IARS2: variants seen among roughly 807,000 people sequenced by gnomAD.
The protein encoded by IARS2 is isoleucine--tRNA ligase, mitochondrial.
IARS2 carries 56 observed loss-of-function variants against 126.3 expected under a neutral mutation model. That is an observed-to-expected ratio of 0.44 (90% CI 0.36 to 0.55). The LOEUF is 0.55. Ranked by LOEUF, IARS2 falls within the 20% of genes least tolerant of loss-of-function variation. IARS2 has a pLI of 0.00. For synonymous variants in IARS2, 407 were observed against 441.1 expected, an observed-to-expected ratio of 0.92 and a Z score of 0.97; for missense variants, 1,127 against 1,245.9, an observed-to-expected ratio of 0.90 and a Z score of 1.44.
At chr1:220,124,126 A>G (rs1657105648) in intron 12 of IARS2, among the ~76,000 whole-genome samples, 1 of 152,224 alleles carries the variant, frequency 6.6e-6, no homozygotes, top group Non-Finnish European at 1.5e-5. Flanking sequence ...TGGCCATTAT[A>G]TGTACTGTGA....
intron 12 of IARS2, among the ~76,000 whole-genome samples, chr1:220,115,402 A>C (rs1378152931): frequency 6.7e-6 from 1 of 150,294 alleles, no homozygotes; most frequent in Non-Finnish European, 1.5e-5. Flanking sequence ...CTCTACCGAA[A>C]ATACAAAAAT....
In IARS2 at chr1:220,140,239, G is replaced by T. The variant is rs763810896; in HGVS notation, c.2364G>T (p.Thr788=). The change falls in exon 19 of 23, where the codon ACG becomes ACT. Residue 788 remains threonine (T), a synonymous_variant. Transcript: ENST00000366922. ...DFGKVVRLLR[T]FYTRELSNFY... is the part of the protein sequence containing the mutation. ...GAAAAGTTGTTCGGCTGTTACGGAC[G>T]TTTTATACCAGAGAGCTCTCTAACT... The T allele has an allele frequency of 6.2e-7, 1 of 1,612,752 alleles. No homozygotes were observed. The highest frequency in any genetic ancestry group is 8.5e-7 in the Non-Finnish European group (1 of 1,178,846).
chr1:220,137,229 C>T lies in IARS2; in HGVS notation c.2049+318C>T, dbSNP rs59961632. Among the ~76,000 whole-genome samples the T allele has an allele frequency of 1.9e-3, 286 of 152,192 alleles. 7 individuals are homozygous for T. The East Asian group carries it at 0.041, about 22-fold the overall frequency. ...ACTATTGTGTGAGGTGTGCCTCCCTCAAACCTTGTTACAGTGTTGGCACAT... is the reference window on the plus strand; with the variant it reads ...ACTATTGTGTGAGGTGTGCCTCCCTTAAACCTTGTTACAGTGTTGGCACAT... On this transcript the variant is annotated intron_variant, in intron 16 of 22. Transcript: ENST00000366922.
intron 21 of IARS2, chr1:220,143,839 T>G (rs1657534343): frequency 1.7e-6 from 1 of 577,042 alleles, no homozygotes; most frequent in Admixed American, 3.3e-5. Flanking sequence ...CCAGATTGGC[T>G]TATAGCTTAA....
At chr1:220,094,913 G>T (rs1295117810) in intron 1 of IARS2, among the ~76,000 whole-genome samples, 4 of 152,074 alleles carry the variant, frequency 2.6e-5, no homozygotes, top group Non-Finnish European at 4.4e-5. Flanking sequence ...CAAGGCGGGA[G>T]AATCGCTTGA....
At chr1:220,111,350 G>A (rs940589556) in intron 11 of IARS2, among the ~76,000 whole-genome samples, 1 of 151,964 alleles carries the variant, frequency 6.6e-6, no homozygotes, top group Non-Finnish European at 1.5e-5. Flanking sequence ...TACATAATAA[G>A]CAGTCAGTAA....
At chr1:220,133,007 ATTTC>A (rs772921921) in intron 14 of IARS2, among the ~76,000 whole-genome samples, 2 of 148,986 alleles carry the variant, frequency 1.3e-5, no homozygotes, top group Non-Finnish European at 3.0e-5. Context: ...CATCACAGTT[ATTTC>A]TTTTCTTTTT....
intron 11 of IARS2, among the ~76,000 whole-genome samples, chr1:220,113,893 A>G (rs73096595): frequency 0.051 from 7,809 of 152,294 alleles, 246 homozygotes; most frequent in East Asian, 0.11. Context: ...AGTCTACGAT[A>G]GTAATTTATT....
chr1:220,140,828 CA>C (rs1182387796), intron 19 of IARS2, among the ~76,000 whole-genome samples: 3 of 151,764 alleles, frequency 2.0e-5, no homozygotes, highest in Non-Finnish European at 4.4e-5. Context: ...ACTAAAAATA[CA>C]AAAAATTAGC....
At position 220,102,489 on chromosome 1, in the gene IARS2, C is replaced by A; in HGVS notation, c.750-6C>A. Reference sequence around the variant, plus strand: ...AGTATTTATGTTTAATATTTTTAACCCTTAGGACTGCATTGGCTGAAGCAG... The same window carrying A: ...AGTATTTATGTTTAATATTTTTAACACTTAGGACTGCATTGGCTGAAGCAG... On this transcript the variant is annotated splice_polypyrimidine_tract_variant and splice_region_variant and intron_variant, in intron 5 of 22. Transcript: ENST00000366922. The A allele has an allele frequency of 6.2e-7, 1 of 1,612,240 alleles. No homozygotes were observed. Among genetic ancestry groups the A allele is most frequent in the Non-Finnish European group, 8.5e-7 (1 of 1,178,628 alleles).
Position 220,134,462 on chromosome 1 carries a change from A to T in IARS2, c.1898A>T (p.Gln633Leu). 1 of 1,613,630 alleles carries T rather than the reference A, an allele frequency of 6.2e-7. No individual in the cohort carries two copies. ...AAAGACCAGCTCGGGGGTTGGTTTCAGTCATCCTTATTAACAAGTGTGGCA... is the reference window on the plus strand; with the variant it reads ...AAAGACCAGCTCGGGGGTTGGTTTCTGTCATCCTTATTAACAAGTGTGGCA... ...EGKDQLGGWF[Q>L]SSLLTSVAAR... Residue 633 changes from glutamine to leucine, a missense_variant, in exon 15 of 23, where the codon CAG (glutamine) becomes CTG (leucine). Physicochemically the swap from Gln to Leu is moderately radical, Grantham distance 113. Transcript: ENST00000366922.
chr1:220,102,051 A>G, intron 3 of IARS2, 78 bp from the exon 4 acceptor site: 2 of 1,341,752 alleles, frequency 1.5e-6, no homozygotes, highest in African/African-American at 1.5e-5. Flanking sequence ...ATTTGCATTT[A>G]GAGAGATACA....
At chr1:220,100,776 C>A in intron 3 of IARS2, 127 bp downstream of exon 3, 1 of 544,766 alleles carries the variant, frequency 1.8e-6, no homozygotes, top group Non-Finnish European at 3.0e-6. Context: ...CTATTGGAAA[C>A]GCCTTTCTGT....
At chr1:220,112,699 C>T (rs978118258) in intron 11 of IARS2, among the ~76,000 whole-genome samples, 1 of 151,082 alleles carries the variant, frequency 6.6e-6, no homozygotes, top group East Asian at 2.0e-4. Context: ...ACTGGGACTA[C>T]AGGCCTGTGC....
At chr1:220,146,059 A>G (rs1298880378) in intron 22 of IARS2, among the ~76,000 whole-genome samples, 1 of 152,138 alleles carries the variant, frequency 6.6e-6, no homozygotes, top group Non-Finnish European at 1.5e-5. Flanking sequence ...TATACCCCGG[A>G]TTAAAATATT....
At position 220,115,267 on chromosome 1, in the gene IARS2, A is replaced by G. The variant is rs563723043; in HGVS notation, c.1640+793A>G. Reference sequence around the variant, plus strand: ...AGCTTTATTAAAGCATACTTTACATACTATAAAATTCATGGCCAGGTGCGG... The same window carrying G: ...AGCTTTATTAAAGCATACTTTACATGCTATAAAATTCATGGCCAGGTGCGG... On this transcript the variant is annotated intron_variant, in intron 12 of 22. Coordinates refer to ENST00000366922, the MANE Select transcript of IARS2 (RefSeq NM_018060.4). Among the ~76,000 whole-genome samples, 4 of 152,270 alleles carry G rather than the reference A, an allele frequency of 2.6e-5. No individual in the cohort carries two copies. In the East Asian group the frequency reaches 7.7e-4, roughly 29 times the overall value.
rs185620419 is a variant in IARS2 at position 220,131,136 on chromosome 1, A to G, written c.1838-3266A>G. Reference sequence around the variant, plus strand: ...ATGAATTTTTCTGTTTCTGTGAAGAATATCATTGGTATTTTGCATGGAATT... The same window carrying G: ...ATGAATTTTTCTGTTTCTGTGAAGAGTATCATTGGTATTTTGCATGGAATT... On this transcript the variant is annotated intron_variant, in intron 14 of 22. Transcript: ENST00000366922. Among the ~76,000 whole-genome samples the G allele has an allele frequency of 9.9e-5, 15 of 152,138 alleles. No individual in the cohort carries two copies. The East Asian group carries it at 1.5e-3, about 16-fold the overall frequency.
chr1:220,108,409 C>T (rs566899184), intron 10 of IARS2, among the ~76,000 whole-genome samples: 2 of 149,836 alleles, frequency 1.3e-5, no homozygotes, highest in Non-Finnish European at 3.0e-5. Context: ...TTTTTTAAGA[C>T]GGAGTCTCGC....
intron 1 of IARS2, among the ~76,000 whole-genome samples, chr1:220,094,829 A>T (rs1315629598): frequency 1.3e-5 from 2 of 152,042 alleles, no homozygotes; most frequent in East Asian, 3.9e-4. Flanking sequence ...AAGTAAATTC[A>T]CATGTCCACA....
Sources: allele counts gnomAD v4.1 joint callset (sites outside exome capture counted in the v4.1 genomes callset), GRCh38; gene constraint gnomAD v4.1.1; transcripts MANE v1.5; gene names NCBI Gene and HGNC (gene_info 2026-07-23, HGNC 2026-07-21).